MEF2A: variants seen among roughly 807,000 people sequenced by gnomAD.
The protein encoded by MEF2A is myocyte enhancer factor 2A.
Under a neutral mutation model 55.8 loss-of-function variants are expected in MEF2A, and 28 were observed. The observed-to-expected ratio is 0.50, with a 90% CI of 0.37 to 0.69. The LOEUF (loss-of-function observed/expected upper bound fraction) is 0.69. Among genes scored for constraint, MEF2A ranks in the 30% least tolerant of loss-of-function variants. The pLI, the probability that MEF2A is intolerant of heterozygous loss-of-function variation, is 0.00. For missense variants in MEF2A, 528 were observed against 626.2 expected, an observed-to-expected ratio of 0.84 and a Z score of 1.67; for synonymous variants, 239 against 227.1, an observed-to-expected ratio of 1.05 and a Z score of -0.47.
chr15:99,706,587 A>G (rs771192997), intron 9 of MEF2A, 142 bp from the exon 10 acceptor site: 16 of 814,850 alleles, frequency 2.0e-5, no homozygotes, highest in Non-Finnish European at 3.2e-5. Context: ...TCTCACTAGT[A>G]TTTTTGAAGT....
chr15:99,646,475 CTT>C (rs2045980977), intron 4 of MEF2A, among the ~76,000 whole-genome samples: 1 of 151,816 alleles, frequency 6.6e-6, no homozygotes, highest in Admixed American at 6.6e-5. Flanking sequence ...ACTTTTGTCT[CTT>C]TTGTTTATAT....
At chr15:99,687,336 C>G (rs1236273110) in intron 7 of MEF2A, among the ~76,000 whole-genome samples, 2 of 151,920 alleles carry the variant, frequency 1.3e-5, no homozygotes, top group East Asian at 3.9e-4. Flanking sequence ...TTTGTTAGTC[C>G]TTGCACGTGT....
intron 3 of MEF2A, among the ~76,000 whole-genome samples, chr15:99,634,659 G>A (rs762444019): frequency 3.9e-5 from 6 of 152,164 alleles, no homozygotes; most frequent in Non-Finnish European, 8.8e-5. Flanking sequence ...TTTGTAGAGA[G>A]AAAGAGCAGC....
At chr15:99,698,326 C>CTT (rs1298221971) in intron 8 of MEF2A, among the ~76,000 whole-genome samples, 1 of 152,088 alleles carries the variant, frequency 6.6e-6, no homozygotes, top group African/African-American at 2.4e-5. Flanking sequence ...TAAAACCCAA[C>CTT]AGTAAGAAAA....
chr15:99,602,937 G>C (rs944221526), intron 2 of MEF2A, among the ~76,000 whole-genome samples: 1 of 151,986 alleles, frequency 6.6e-6, no homozygotes, highest in Non-Finnish European at 1.5e-5. Context: ...TTAGTTGTTT[G>C]TTTTTCAAGG....
rs1034174783 is a variant in MEF2A at position 99,602,017 on chromosome 15, G to A, written c.-143+3506G>A. On this transcript the variant is annotated intron_variant, in intron 2 of 11. Transcript: ENST00000557942. ...GGGAAGGTTTTAAACTGTTACCAGC[G>A]GTGAATCTGCATGGGTCTACGGCAA... 3.3e-5 allele frequency among the ~76,000 whole-genome samples: 5 copies of A among 152,212 alleles called. No homozygotes were observed. In the East Asian group the frequency reaches 5.8e-4, roughly 18 times the overall value.
At chr15:99,701,036 CAG>C (rs2057338141) in intron 8 of MEF2A, among the ~76,000 whole-genome samples, 1 of 152,164 alleles carries the variant, frequency 6.6e-6, no homozygotes, top group Non-Finnish European at 1.5e-5. Context: ...CAGGCAAAGT[CAG>C]TGGATAAATG....
intron 8 of MEF2A, among the ~76,000 whole-genome samples, chr15:99,700,213 C>CACACAT (rs1460842109): frequency 7.2e-6 from 1 of 139,004 alleles, no homozygotes; most frequent in African/African-American, 2.7e-5. Flanking sequence ...CACACACACA[C>CACACAT]ATATGTACGT....
chr15:99,610,989 C>G (rs572661022), intron 2 of MEF2A, among the ~76,000 whole-genome samples: 1 of 152,358 alleles, frequency 6.6e-6, no homozygotes, highest in East Asian at 1.9e-4. Flanking sequence ...TGCCTATAAT[C>G]CCAGCACTTC....
intron 7 of MEF2A, among the ~76,000 whole-genome samples, chr15:99,679,132 A>G (rs1386426224): frequency 6.6e-6 from 1 of 152,254 alleles, no homozygotes; most frequent in East Asian, 1.9e-4. Context: ...TACACTGGTA[A>G]TGGGAGTACA....
At chr15:99,630,312 G>A (rs955044962) in intron 2 of MEF2A, among the ~76,000 whole-genome samples, 5 of 151,766 alleles carry the variant, frequency 3.3e-5, no homozygotes, top group Non-Finnish European at 5.9e-5. Context: ...TTCAGTCTAG[G>A]TGTTTTATTG....
intron 8 of MEF2A, among the ~76,000 whole-genome samples, chr15:99,700,093 C>A (rs1273795015): frequency 7.1e-6 from 1 of 141,548 alleles, no homozygotes; most frequent in African/African-American, 2.6e-5. Context: ...CTCCTGAGCT[C>A]AACATCTGCC....
At chr15:99,684,440 T>G (rs1226082110) in intron 7 of MEF2A, among the ~76,000 whole-genome samples, 1 of 152,260 alleles carries the variant, frequency 6.6e-6, no homozygotes, top group Non-Finnish European at 1.5e-5. Context: ...ATTGTGATTT[T>G]GATTTGCATT....
intron 8 of MEF2A, among the ~76,000 whole-genome samples, chr15:99,695,070 G>A (rs941481049): frequency 1.3e-5 from 2 of 151,412 alleles, no homozygotes; most frequent in African/African-American, 4.9e-5. Flanking sequence ...TTCTGCCCCA[G>A]TCCTAGAATC....
chr15:99,591,560 A>C (rs1249529953), intron 1 of MEF2A, among the ~76,000 whole-genome samples: 3 of 152,118 alleles, frequency 2.0e-5, no homozygotes, highest in African/African-American at 7.2e-5. Context: ...ATGTGTGTTC[A>C]GTTTTCCTCA....
At chr15:99,573,177 A>G (rs1041708857) in intron 1 of MEF2A, among the ~76,000 whole-genome samples, 10 of 151,196 alleles carry the variant, frequency 6.6e-5, no homozygotes, top group Non-Finnish European at 1.0e-4. Flanking sequence ...AGTCCCAGCT[A>G]TGCGGGAGGC....
chr15:99,581,624 T>C (rs1441133547), intron 1 of MEF2A, among the ~76,000 whole-genome samples: 1 of 152,284 alleles, frequency 6.6e-6, no homozygotes, highest in East Asian at 1.9e-4. Context: ...CTGTCCCTTA[T>C]CTGTTTCTCA....
At chr15:99,706,296 C>T (rs1418130784) in intron 9 of MEF2A, among the ~76,000 whole-genome samples, 1 of 152,244 alleles carries the variant, frequency 6.6e-6, no homozygotes, top group African/African-American at 2.4e-5. Context: ...GTAAATAATA[C>T]CGCAAAGAAA....
chr15:99,665,731 C>CAAAAAAAAAA (rs752473261), intron 4 of MEF2A, among the ~76,000 whole-genome samples: 171 of 19,914 alleles, frequency 8.6e-3, no homozygotes, highest in Middle Eastern at 0.062. Flanking sequence ...CTTAAATTTA[C>CAAAAAAAAAA]AAAAAAAAAA....
Sources: allele counts gnomAD v4.1 joint callset (sites outside exome capture counted in the v4.1 genomes callset), GRCh38; gene constraint gnomAD v4.1.1; transcripts MANE v1.5; gene names NCBI Gene and HGNC (gene_info 2026-07-23, HGNC 2026-07-21).